Variants in TTLL9 observed in about 807,000 individuals in gnomAD.
The protein encoded by TTLL9 is tubulin tyrosine ligase like 9, also known as probable tubulin polyglutamylase TTLL9.
In TTLL9, 47 loss-of-function variants were observed where a neutral mutation model predicts 65.6. The observed-to-expected ratio is 0.72, with a 90% CI of 0.57 to 0.91. TTLL9 has a LOEUF of 0.91. TTLL9 is among the 40% of genes least tolerant of loss of function. The pLI is 0.00. For synonymous variants in TTLL9, 179 were observed against 204.8 expected (o/e 0.87, Z 1.07); for missense variants, 537 against 568.8 (o/e 0.94, Z 0.57).
chr20:31,887,159 CA>C (rs770109287), intron 2 of TTLL9, 36 bp from the exon 3 acceptor site: 261 of 1,611,030 alleles, frequency 1.6e-4, no homozygotes, highest in Non-Finnish European at 3.8e-5. Flanking sequence ...GGCAGATATA[CA>C]AAACCAGTTA....
rs138206912 is a variant in TTLL9, at chr20:31,882,092, A to C, written c.70-5104A>C. Among the ~76,000 whole-genome samples, 5 of 152,300 alleles carry C rather than the reference A, an allele frequency of 3.3e-5. No homozygotes were observed. The East Asian group carries it at 9.6e-4, about 29-fold the overall frequency. On this transcript the variant is annotated intron_variant, in intron 2 of 14. Transcript: ENST00000535842. ...GAGCAGGAACGTTCATGTCAGCCTT[A>C]AGAGAACATGCCAGGATATACTTTG...
intron 4 of TTLL9, among the ~76,000 whole-genome samples, chr20:31,903,866 A>G (rs1380629633): frequency 6.6e-6 from 1 of 152,242 alleles, no homozygotes; most frequent in Non-Finnish European, 1.5e-5. Context: ...AGCTGCAGAC[A>G]TCATTTGAAT....
intron 4 of TTLL9, among the ~76,000 whole-genome samples, chr20:31,907,404 C>T (rs953387441): frequency 1.3e-5 from 2 of 152,148 alleles, no homozygotes; most frequent in South Asian, 2.1e-4. Flanking sequence ...CATGGATACA[C>T]ACATATATAC....
chr20:31,901,678 A>G (rs2063482332), intron 4 of TTLL9, among the ~76,000 whole-genome samples: 1 of 152,130 alleles, frequency 6.6e-6, no homozygotes, highest in Non-Finnish European at 1.5e-5. Context: ...TCAGGGCCCC[A>G]GTCCCTGCTC....
intron 2 of TTLL9, 21 bp from the exon 3 acceptor site, chr20:31,887,175 C>A (rs2063202990): frequency 6.2e-7 from 1 of 1,613,908 alleles, no homozygotes; most frequent in Non-Finnish European, 8.5e-7. Context: ...CAGTTACATC[C>A]TTTTCCTTTC....
chr20:31,902,137 G>A (rs939283401), intron 4 of TTLL9, among the ~76,000 whole-genome samples: 2 of 151,982 alleles, frequency 1.3e-5, no homozygotes, highest in African/African-American at 4.8e-5. Context: ...TACCTGCTGT[G>A]TCAAAACCAC....
rs761906219 is a variant in TTLL9 at position 31,934,674 on chromosome 20, C to T, written c.808-18C>T. ...ACTAACTGAGGCTCCTCTCTCGACC[C>T]GGCTGCCCGGGGCCCAGGGCTGCAA... On this transcript the variant is annotated intron_variant, in intron 11 of 14. Transcript: ENST00000535842. 3.5e-5 allele frequency: 56 copies of T among 1,598,884 alleles called. No homozygotes were observed. The highest frequency in any genetic ancestry group is 2.1e-4 in the African/African-American group (16 of 74,642).
intron 12 of TTLL9, among the ~76,000 whole-genome samples, chr20:31,937,040 G>C (rs1349538537): frequency 6.7e-6 from 1 of 149,752 alleles, no homozygotes; most frequent in Admixed American, 6.7e-5. Context: ...AGAGGTTGCA[G>C]TGAGCTGAGA....
At chr20:31,928,920 C>T (rs184734524) in intron 10 of TTLL9, among the ~76,000 whole-genome samples, 2 of 152,290 alleles carry the variant, frequency 1.3e-5, no homozygotes, top group East Asian at 1.9e-4. Context: ...CTGTTGCCCC[C>T]GATCGAGTAC....
At position 31,943,445 on chromosome 20, in the gene TTLL9, C is replaced by G. The variant is rs932332441; in HGVS notation, c.*424C>G. On this transcript the variant is annotated 3_prime_UTR_variant, in exon 15 of 15. Transcript: ENST00000535842. Reference sequence around the variant, plus strand: ...CTGGCTTTGACACTTGGATACCTCCCAAGTCAGTGCTGAAAAGGTCCTTCA... The same window carrying G: ...CTGGCTTTGACACTTGGATACCTCCGAAGTCAGTGCTGAAAAGGTCCTTCA... 1 of 327,950 alleles carries G rather than the reference C, an allele frequency of 3.0e-6. No individual in the cohort carries two copies. The highest frequency in any genetic ancestry group is 6.0e-6 in the Non-Finnish European group (1 of 166,428). The allele number at this position is 327,950 out of a possible 1,614,324, so 20.3% of individuals were successfully genotyped here.
chr20:31,930,392 A>C (rs577581856), intron 10 of TTLL9, among the ~76,000 whole-genome samples: 66 of 152,238 alleles, frequency 4.3e-4, no homozygotes, highest in African/African-American at 1.6e-3. Context: ...CATTTCTTCC[A>C]ATTTTCATTT....
Position 31,908,705 on chromosome 20 carries a change from G to T in TTLL9, c.318+3G>T. On this transcript the variant is annotated splice_donor_region_variant and intron_variant, in intron 5 of 14. Coordinates refer to ENST00000535842, the MANE Select transcript of TTLL9 (RefSeq NM_001008409.5). ...GTCACTTCCGGAACCACTATGAGGT[G>T]AGCTGGGCAGGCGGGAGGGACTGTG... The T allele has an allele frequency of 6.2e-7, 1 of 1,612,762 alleles. No individual in the cohort carries two copies. Among genetic ancestry groups the T allele is most frequent in the Non-Finnish European group, 8.5e-7 (1 of 1,178,852 alleles).
In TTLL9 at chr20:31,870,777, C is replaced by T. The variant is rs1429504501; in HGVS notation, c.-178C>T. 7 of 491,754 alleles carry T rather than the reference C, an allele frequency of 1.4e-5. No homozygotes were observed. Among genetic ancestry groups the T allele is most frequent in the Non-Finnish European group, 2.4e-5 (7 of 289,322 alleles). The allele number at this position is 491,754 out of a possible 1,614,324, so 30.5% of individuals were successfully genotyped here. On this transcript the variant is annotated 5_prime_UTR_variant, in exon 1 of 15. Transcript: ENST00000535842. This position sits in a 1 kb window ranked among gnomAD's most constrained non-coding sequence, Gnocchi z 6.6. ...GATGGGGGGATGTCGCCTAGAGCCCCCCGGCCGGCCCACAAACTCCCGTCC... is the reference window on the plus strand; with the variant it reads ...GATGGGGGGATGTCGCCTAGAGCCCTCCGGCCGGCCCACAAACTCCCGTCC...
At chr20:31,934,302 C>T (rs1295200969) in intron 11 of TTLL9, 1 of 511,920 alleles carries the variant, frequency 2.0e-6, no homozygotes, top group Non-Finnish European at 3.8e-6. Context: ...CACACCTGTT[C>T]CCTTCTCTTC....
At chr20:31,873,282 G>A (rs549768596) in intron 2 of TTLL9, among the ~76,000 whole-genome samples, 1 of 152,304 alleles carries the variant, frequency 6.6e-6, no homozygotes, top group South Asian at 2.1e-4. Flanking sequence ...TGGGCACTGA[G>A]CTATATGTAG....
At chr20:31,933,257 C>T (rs551770137) in intron 10 of TTLL9, among the ~76,000 whole-genome samples, 3 of 152,156 alleles carry the variant, frequency 2.0e-5, no homozygotes, top group African/African-American at 7.2e-5. Context: ...CTGGGCCTTC[C>T]AAGGCCACCC....
chr20:31,878,000 C>T lies in TTLL9; in HGVS notation c.69+6805C>T, dbSNP rs1031663284. Among the ~76,000 whole-genome samples the T allele has an allele frequency of 3.3e-5, 5 of 152,132 alleles. No individual in the cohort carries two copies. In the East Asian group the frequency reaches 9.6e-4, roughly 29 times the overall value. On this transcript the variant is annotated intron_variant, in intron 2 of 14. Coordinates refer to ENST00000535842, the MANE Select transcript of TTLL9 (RefSeq NM_001008409.5). ...GAAAATGCTTTGTCAGTTTTCCTTT[C>T]TGCTGTATTTTTAGAGTCAAGAACA...
chr20:31,881,056 A>T (rs2063112050), intron 2 of TTLL9, among the ~76,000 whole-genome samples: 1 of 151,084 alleles, frequency 6.6e-6, no homozygotes, highest in Non-Finnish European at 1.5e-5. Flanking sequence ...TCTCTATGTT[A>T]TGTTGCTATG....
intron 11 of TTLL9, chr20:31,934,174 T>C (rs924663192): frequency 9.8e-6 from 5 of 508,060 alleles, no homozygotes; most frequent in African/African-American, 3.8e-5. Flanking sequence ...CATACAGATA[T>C]ATTTTATCTC....
Sources: allele counts gnomAD v4.1 joint callset (sites outside exome capture counted in the v4.1 genomes callset), GRCh38; gene constraint gnomAD v4.1.1; non-coding constraint Gnocchi (gnomAD v3.1); transcripts MANE v1.5; gene names NCBI Gene and HGNC (gene_info 2026-07-23, HGNC 2026-07-21).